OGDH: variants seen among roughly 807,000 people sequenced by gnomAD.
OGDH encodes 2-oxoglutarate dehydrogenase complex component E1.
A neutral mutation model predicts 116.6 loss-of-function variants in OGDH; 38 were observed. The observed-to-expected ratio is 0.33, with a 90% CI of 0.25 to 0.43. The LOEUF (loss-of-function observed/expected upper bound fraction) is 0.43, where lower values mean the gene tolerates loss of function less well. Ranked by LOEUF, OGDH falls within the 20% of genes least tolerant of loss-of-function variation. The pLI is 1.00. For synonymous variants in OGDH, 488 were observed against 533.3 expected (o/e 0.92, Z 1.17); for missense variants, 825 against 1,357.2 (o/e 0.61, Z 6.16).
intron 2 of OGDH, among the ~76,000 whole-genome samples, chr7:44,645,006 G>C (rs1039073369): frequency 6.6e-6 from 1 of 152,208 alleles, no homozygotes; most frequent in African/African-American, 2.4e-5. Context: ...CAGGCCCAGT[G>C]AATAGGAACT....
chr7:44,702,614 A>G (rs1195221060), intron 20 of OGDH, among the ~76,000 whole-genome samples: 1 of 150,618 alleles, frequency 6.6e-6, no homozygotes, highest in Non-Finnish European at 1.5e-5. Flanking sequence ...TATTTTTGAG[A>G]CGGAGTCTCG....
intron 2 of OGDH, 101 bp downstream of exon 2, chr7:44,624,666 G>C (rs1785135027): frequency 9.9e-7 from 1 of 1,010,152 alleles, no homozygotes; most frequent in South Asian, 1.3e-5. Flanking sequence ...TCAGCGGGCA[G>C]ACAGGCAGCT....
Position 44,659,441 on chromosome 7 carries a change from A to G in OGDH, c.518-7295A>G, listed in dbSNP as rs576800082. Among the ~76,000 whole-genome samples the G allele has an allele frequency of 1.6e-4, 24 of 152,332 alleles. 1 individual carries two copies. The East Asian group carries it at 4.6e-3, about 29-fold the overall frequency. On this transcript the variant is annotated intron_variant, in intron 4 of 22. Transcript: ENST00000222673. ...TTGAGAAGTGTTTCTCCTATTTTCC[A>G]AAAGACAGTAAATAGAATTGGTGTT...
intron 10 of OGDH, among the ~76,000 whole-genome samples, chr7:44,690,516 A>G (rs190812948): frequency 2.0e-5 from 3 of 152,354 alleles, no homozygotes; most frequent in Non-Finnish European, 4.4e-5. Flanking sequence ...TAATACACCC[A>G]TAGTGGAAAA....
At chr7:44,630,631 T>C (rs1419463909) in intron 2 of OGDH, among the ~76,000 whole-genome samples, 2 of 152,238 alleles carry the variant, frequency 1.3e-5, no homozygotes, top group Non-Finnish European at 2.9e-5. Context: ...AGGAAGCTCA[T>C]GTCCCTTGTA....
At chr7:44,629,240 C>T (rs1347920638) in intron 2 of OGDH, among the ~76,000 whole-genome samples, 1 of 152,196 alleles carries the variant, frequency 6.6e-6, no homozygotes, top group Non-Finnish European at 1.5e-5. Context: ...CAGGTGCCCA[C>T]CTACAGCTGT....
chr7:44,685,759 C>T (rs1024709792), intron 10 of OGDH, among the ~76,000 whole-genome samples: 2 of 151,978 alleles, frequency 1.3e-5, no homozygotes, highest in East Asian at 1.9e-4. Context: ...GCTGGAATTA[C>T]AGGTGTGCAC....
At chr7:44,610,643 T>A (rs910013503) in intron 1 of OGDH, among the ~76,000 whole-genome samples, 1 of 151,800 alleles carries the variant, frequency 6.6e-6, no homozygotes, top group Admixed American at 6.6e-5. Context: ...AGACGGAGTC[T>A]TGCTCTGTTG....
chr7:44,645,143 A>G (rs552887478), intron 2 of OGDH, among the ~76,000 whole-genome samples, 184 bp from the exon 3 acceptor site: 1 of 152,252 alleles, frequency 6.6e-6, no homozygotes, highest in Admixed American at 6.5e-5. Flanking sequence ...GAAAGCAGGG[A>G]GCCTGAATGC....
In OGDH at chr7:44,681,751, C is replaced by A; in HGVS notation, c.1238C>A (p.Ala413Glu). ...VMSILLHGDA[A>E]FAGQGIVYET... Reference sequence around the variant, plus strand: ...TCCATCCTGTTGCATGGGGATGCTGCATTTGCTGGCCAGGGCATTGTGTAC... The same window carrying A: ...TCCATCCTGTTGCATGGGGATGCTGAATTTGCTGGCCAGGGCATTGTGTAC... Residue 413 changes from alanine to glutamate, a missense_variant, in exon 10 of 23, where the codon GCA becomes GAA. By Grantham distance (107) the Ala-to-Glu change is moderately radical (BLOSUM62 -1). Coordinates refer to ENST00000222673, the MANE Select transcript of OGDH (RefSeq NM_002541.4). The A allele has an allele frequency of 6.2e-7, 1 of 1,614,152 alleles. No individual in the cohort carries two copies. The highest frequency in any genetic ancestry group is 8.5e-7 in the Non-Finnish European group (1 of 1,180,026).
At chr7:44,687,091 A>ATT (rs59074567) in intron 10 of OGDH, among the ~76,000 whole-genome samples, 1,549 of 95,576 alleles carry the variant, frequency 0.016, 30 homozygotes, top group East Asian at 0.024. Flanking sequence ...ATTTTTTTTA[A>ATT]TTTTTTTTTT....
intron 10 of OGDH, among the ~76,000 whole-genome samples, chr7:44,689,222 T>C (rs1411664408): frequency 6.4e-5 from 8 of 125,900 alleles, no homozygotes. Flanking sequence ...TTTTTTTTTT[T>C]TTTTTTTTTT....
chr7:44,627,957 G>A (rs757877589), intron 2 of OGDH, among the ~76,000 whole-genome samples: 10 of 152,202 alleles, frequency 6.6e-5, no homozygotes, highest in African/African-American at 1.7e-4. Context: ...GATTACAGGC[G>A]TGAGCCACTG....
chr7:44,679,752 C>T (rs1188330118), intron 9 of OGDH, among the ~76,000 whole-genome samples: 2 of 152,126 alleles, frequency 1.3e-5, no homozygotes, highest in Non-Finnish European at 2.9e-5. Flanking sequence ...GGGTTTCATC[C>T]AGTCAGTTCA....
chr7:44,700,955 C>T (rs928361854), intron 19 of OGDH, among the ~76,000 whole-genome samples: 3 of 152,094 alleles, frequency 2.0e-5, no homozygotes, highest in Non-Finnish European at 2.9e-5. Flanking sequence ...ACCCGGGAGG[C>T]GGAGCTGGCA....
chr7:44,676,035 G>A lies in OGDH; in HGVS notation c.1092G>A (p.Arg364=). ...GCAGGATCAATCGTGTCACCGACAGGAACATTACCTTGTCCTTGGTGGCCA... is the reference window on the plus strand; with the variant it reads ...GCAGGATCAATCGTGTCACCGACAGAAACATTACCTTGTCCTTGGTGGCCA... ...YHRRINRVTD[R]NITLSLVANP... The change falls in exon 9 of 23, where the codon AGG becomes AGA. Residue 364 remains arginine, a synonymous_variant. Coordinates refer to ENST00000222673, the MANE Select transcript of OGDH (RefSeq NM_002541.4). 12 of 1,614,092 alleles carry A rather than the reference G, an allele frequency of 7.4e-6. No individual in the cohort carries two copies. The highest frequency in any genetic ancestry group is 1.0e-5 in the Non-Finnish European group (12 of 1,180,026).
At chr7:44,701,484 C>G (rs968524424) in intron 19 of OGDH, 59 bp from the exon 20 acceptor site, 27 of 1,508,442 alleles carry the variant, frequency 1.8e-5, no homozygotes, top group Non-Finnish European at 2.4e-5. Context: ...TTGCTTTTGA[C>G]CTTCCTTCTG....
At chr7:44,673,067 G>C (rs948239769) in intron 5 of OGDH, among the ~76,000 whole-genome samples, 1 of 152,120 alleles carries the variant, frequency 6.6e-6, no homozygotes, top group Non-Finnish European at 1.5e-5. Context: ...CAGTGTGAAC[G>C]TGGTACAGGA....
At chr7:44,691,917 A>G (rs541677520) in intron 10 of OGDH, among the ~76,000 whole-genome samples, 1 of 142,210 alleles carries the variant, frequency 7.0e-6, no homozygotes, top group Admixed American at 7.4e-5. Flanking sequence ...CGGGAGGTGG[A>G]GCTTGCAGTA....
Sources: gnomAD v4.1 joint callset for allele counts (sites outside exome capture counted in the v4.1 genomes callset) on GRCh38, gnomAD v4.1.1 for gene constraint, MANE v1.5 for transcripts, NCBI Gene and HGNC (gene_info 2026-07-23, HGNC 2026-07-21) for gene names.